The following ENO4 variants were observed in gnomAD, a reference collection of about 807,000 sequenced individuals.
ENO4 encodes enolase 4.
In ENO4, 53 loss-of-function variants were observed where a neutral mutation model predicts 63.2. The observed-to-expected ratio is 0.84, with a 90% CI of 0.67 to 1.05. The LOEUF is 1.05. Among genes scored for constraint, ENO4 ranks in the 50% least tolerant of loss-of-function variants. The pLI, the probability that ENO4 is intolerant of heterozygous loss-of-function variation, is 0.00. For synonymous variants in ENO4, 266 were observed against 283.8 expected (o/e 0.94, Z 0.63); for missense variants, 719 against 772.0 (o/e 0.93, Z 0.81).
intron 7 of ENO4, among the ~76,000 whole-genome samples, chr10:116,865,201 AT>A (rs942853072): frequency 4.6e-5 from 7 of 151,830 alleles, no homozygotes; most frequent in Non-Finnish European, 8.8e-5. Flanking sequence ...TTATTAATTT[AT>A]TTTTTGAGAC....
chr10:116,852,239 C>G (rs957353171), intron 1 of ENO4, among the ~76,000 whole-genome samples: 41 of 152,198 alleles, frequency 2.7e-4, no homozygotes, highest in African/African-American at 9.4e-4. Context: ...CTGTGCAGAA[C>G]TGTGAGTCAA....
chr10:116,877,976 A>T (rs1352012240), intron 11 of ENO4, among the ~76,000 whole-genome samples: 1 of 152,188 alleles, frequency 6.6e-6, no homozygotes, highest in Non-Finnish European at 1.5e-5. Context: ...TTGCTCTGAC[A>T]TACTTGGCTC....
chr10:116,912,197 T>C (rs927604152), downstream of ENO4, among the ~76,000 whole-genome samples: 1 of 152,228 alleles, frequency 6.6e-6, no homozygotes, highest in Non-Finnish European at 1.5e-5. Context: ...TAGGATAAAC[T>C]GTCCTCTACC....
At chr10:116,898,405 A>C (rs956302134) in intron 10 of ENO4, among the ~76,000 whole-genome samples, 3 of 152,072 alleles carry the variant, frequency 2.0e-5, no homozygotes. Context: ...AGTGAATAAA[A>C]TATCTTACTA....
intron 7 of ENO4, among the ~76,000 whole-genome samples, chr10:116,868,096 T>G (rs1402756803): frequency 6.6e-6 from 1 of 152,224 alleles, no homozygotes; most frequent in Non-Finnish European, 1.5e-5. Flanking sequence ...TACCTTTGCT[T>G]TTAACCTCAT....
Position 116,849,739 on chromosome 10 carries a change from C to G in ENO4, c.165+8C>G. On this transcript the variant is annotated splice_region_variant and intron_variant, in intron 1 of 13. Transcript: ENST00000341276. ...GACGTCTACGGGCACCTGGTAGGGA[C>G]CTGGGACAAGCGCTCTCCTCCCGCC... 6.6e-7 allele frequency: 1 copy of G among 1,505,348 alleles called. No homozygotes were observed. Among genetic ancestry groups the G allele is most frequent in the Non-Finnish European group, 8.9e-7 (1 of 1,123,678 alleles). 93.2% of individuals were successfully genotyped at this position (1,505,348 alleles called of 1,614,324 possible). A position where few individuals can be genotyped will look rare whatever the true frequency, so the allele number is the denominator to read the frequency against.
chr10:116,856,680 C>T lies in ENO4; in HGVS notation c.483C>T (p.Leu161=). Residue 161 remains leucine (L), a splice_region_variant and synonymous_variant, in exon 3 of 14, where the codon CTC becomes CTT. Coordinates refer to ENST00000341276, the MANE Select transcript of ENO4 (RefSeq NM_001242699.2). ...PSDQAEVDHL[L]RIFFASKVQE... ...ACCAGGCAGAGGTGGATCACCTACT[C>T]AGGTACAGTTTCCACTTTGAAATAT... 1 of 1,520,716 alleles carries T rather than the reference C, an allele frequency of 6.6e-7. No homozygotes were observed. Among genetic ancestry groups the T allele is most frequent in the Non-Finnish European group, 8.8e-7 (1 of 1,139,482 alleles). The allele number at this position is 1,520,716 out of a possible 1,614,324, so 94.2% of individuals were successfully genotyped here. A position where few individuals can be genotyped will look rare whatever the true frequency, so the allele number is the denominator to read the frequency against.
chr10:116,903,864 T>G (rs1410591448), intron 10 of ENO4, among the ~76,000 whole-genome samples: 1 of 152,186 alleles, frequency 6.6e-6, no homozygotes, highest in Non-Finnish European at 1.5e-5. Flanking sequence ...TTTTAAAAAA[T>G]GTACACCGTT....
In ENO4 at chr10:116,855,612, G is replaced by A; in HGVS notation, c.166-11G>A. 3 of 1,536,022 alleles carry A rather than the reference G, an allele frequency of 2.0e-6. No homozygotes were observed. The highest frequency in any genetic ancestry group is 2.6e-6 in the Non-Finnish European group (3 of 1,146,848). ...AACCAGATGATTTTTGTTCTTTTGT[G>A]TGTGTTGAAGGCAAACTGCTTTTCT... is the stretch of plus-strand genomic sequence containing the variant. On this transcript the variant is annotated splice_polypyrimidine_tract_variant and intron_variant, in intron 1 of 13. Transcript: ENST00000341276.
In ENO4 at chr10:116,862,786, G is replaced by C. The variant is rs1296886698; in HGVS notation, c.937-13G>C. The C allele has an allele frequency of 2.6e-6, 4 of 1,547,218 alleles. No homozygotes were observed. The highest frequency in any genetic ancestry group is 3.5e-6 in the Non-Finnish European group (4 of 1,144,338). Reference sequence around the variant, plus strand: ...TCTGCAACTGTGGAAGATCATGGTTGTTCTACTTACAGGGTGTCGAGATGC... The same window carrying C: ...TCTGCAACTGTGGAAGATCATGGTTCTTCTACTTACAGGGTGTCGAGATGC... On this transcript the variant is annotated splice_polypyrimidine_tract_variant and intron_variant, in intron 6 of 13. Coordinates refer to ENST00000341276, the MANE Select transcript of ENO4 (RefSeq NM_001242699.2).
intron 10 of ENO4, among the ~76,000 whole-genome samples, chr10:116,903,243 C>G (rs1847818185): frequency 6.6e-6 from 1 of 152,178 alleles, no homozygotes; most frequent in African/African-American, 2.4e-5. Flanking sequence ...ATCTAAAAGG[C>G]CTTTTCCGGC....
At chr10:116,868,105 A>G (rs967731979) in intron 7 of ENO4, among the ~76,000 whole-genome samples, 1 of 152,198 alleles carries the variant, frequency 6.6e-6, no homozygotes, top group African/African-American at 2.4e-5. Flanking sequence ...TTTTAACCTC[A>G]TGACACTACA....
intron 11 of ENO4, among the ~76,000 whole-genome samples, chr10:116,877,059 G>A (rs1195954320): frequency 6.6e-6 from 1 of 152,042 alleles, no homozygotes; most frequent in African/African-American, 2.4e-5. Context: ...TGGAACACCT[G>A]GGTACCCATC....
chr10:116,908,444 A>G (rs1848059551), intron 10 of ENO4, among the ~76,000 whole-genome samples: 2 of 152,200 alleles, frequency 1.3e-5, no homozygotes, highest in Admixed American at 6.5e-5. Flanking sequence ...CAAGATACAG[A>G]AAATAGAACC....
At chr10:116,877,206 G>A (rs1034335370) in intron 11 of ENO4, among the ~76,000 whole-genome samples, 2 of 152,068 alleles carry the variant, frequency 1.3e-5, no homozygotes, top group Non-Finnish European at 2.9e-5. Flanking sequence ...CATTACCGCA[G>A]TATTGTAAAT....
At chr10:116,885,619 T>C (rs566078801), downstream of ENO4, 1 of 152,672 alleles carries the variant, frequency 6.5e-6, no homozygotes, top group East Asian at 1.9e-4. Context: ...ACAGAGCACA[T>C]GGTTTACCAA....
intron 4 of ENO4, among the ~76,000 whole-genome samples, chr10:116,859,793 A>G (rs1846361534): frequency 6.6e-6 from 1 of 152,166 alleles, no homozygotes; most frequent in African/African-American, 2.4e-5. Flanking sequence ...GGCACGAACC[A>G]TACACCCAAA....
intron 11 of ENO4, among the ~76,000 whole-genome samples, chr10:116,878,117 A>C (rs1340642489): frequency 6.6e-6 from 1 of 152,156 alleles, no homozygotes; most frequent in African/African-American, 2.4e-5. Flanking sequence ...GACCACAATC[A>C]CTTATACAAC....
intron 10 of ENO4, among the ~76,000 whole-genome samples, chr10:116,902,466 GT>G (rs950393748): frequency 2.0e-5 from 3 of 152,168 alleles, no homozygotes; most frequent in Admixed American, 6.6e-5. Context: ...AAGTGGATTT[GT>G]TTCCTCTTAA....
Sources: gnomAD v4.1 joint callset for allele counts (sites outside exome capture counted in the v4.1 genomes callset) on GRCh38, gnomAD v4.1.1 for gene constraint, MANE v1.5 for transcripts, NCBI Gene and HGNC (gene_info 2026-07-23, HGNC 2026-07-21) for gene names.